The following CEP97 variants were observed in gnomAD, a reference collection of about 807,000 sequenced individuals.
CEP97 encodes centrosomal protein of 97 kDa.
In CEP97, 43 loss-of-function variants were observed where a neutral mutation model predicts 73.1. The observed-to-expected ratio is 0.59, with a 90% CI of 0.46 to 0.76. The LOEUF (loss-of-function observed/expected upper bound fraction) is 0.76. Among genes scored for constraint, CEP97 ranks in the 30% least tolerant of loss-of-function variants. CEP97 has a pLI of 0.00. For missense variants in CEP97, 939 were observed against 1,014.0 expected, an observed-to-expected ratio of 0.93 and a Z score of 1.00; for synonymous variants, 337 against 370.0, an observed-to-expected ratio of 0.91 and a Z score of 1.02.
chr3:101,749,550 G>C (rs1576690627), intron 6 of CEP97, among the ~76,000 whole-genome samples: 1 of 131,012 alleles, frequency 7.6e-6, no homozygotes, highest in East Asian at 2.1e-4. Flanking sequence ...TCTAGTTCTA[G>C]ATTCCTGAGG....
At chr3:101,729,885 A>G (rs1938038535) in intron 4 of CEP97, among the ~76,000 whole-genome samples, 1 of 151,840 alleles carries the variant, frequency 6.6e-6, no homozygotes, top group African/African-American at 2.4e-5. Flanking sequence ...GCTCACTGCA[A>G]CCTCTGCCTC....
rs529087626 is a variant in CEP97 at position 101,740,593 on chromosome 3, C to CT, written c.728+7952dup. On this transcript the variant is annotated intron_variant, in intron 6 of 10. Coordinates refer to ENST00000341893, the MANE Select transcript of CEP97 (RefSeq NM_024548.4). ...TCCTCATCAAGCTACCATTGACTTT[C>CT]TTTTTTTTTTTTTGAGACGGAGTTT... is the stretch of plus-strand genomic sequence containing the variant. Among the ~76,000 whole-genome samples the CT allele has an allele frequency of 2.7e-3, 398 of 144,916 alleles. 3 individuals carry two copies. Among genetic ancestry groups the CT allele is most frequent in the Non-Finnish European group, 2.1e-3 (138 of 65,408 alleles).
At chr3:101,728,680 T>A (rs1398629600) in intron 3 of CEP97, 156 bp from the exon 4 acceptor site, 3 of 601,292 alleles carry the variant, frequency 5.0e-6, no homozygotes, top group Non-Finnish European at 8.8e-6. Context: ...TCTACTAAAT[T>A]CTGTTAGTAC....
At chr3:101,729,777 CTT>C (rs879781929) in intron 4 of CEP97, among the ~76,000 whole-genome samples, 1 of 142,920 alleles carries the variant, frequency 7.0e-6, no homozygotes. Context: ...TTTTTCTTTT[CTT>C]TTTTTTTTTT....
intron 6 of CEP97, among the ~76,000 whole-genome samples, chr3:101,733,655 C>T (rs1044330264): frequency 6.0e-4 from 91 of 151,056 alleles, no homozygotes; most frequent in African/African-American, 2.0e-3. Flanking sequence ...CTCAGCCTCC[C>T]GAGTAGCTGG....
At chr3:101,747,299 G>A (rs544261669) in intron 6 of CEP97, among the ~76,000 whole-genome samples, 258 of 133,526 alleles carry the variant, frequency 1.9e-3, no homozygotes, top group African/African-American at 6.6e-3. Flanking sequence ...TCACTCTGTC[G>A]CCCAGGTTGG....
intron 4 of CEP97, among the ~76,000 whole-genome samples, chr3:101,730,889 T>A (rs2611836): frequency 0.9 from 137,143 of 152,122 alleles, 61,897 homozygotes; most frequent in East Asian, 0.99. Flanking sequence ...ATTCTAAACA[T>A]TTTGATGTAG....
Position 101,731,841 on chromosome 3 carries a change from C to A in CEP97, c.449C>A (p.Thr150Asn), listed in dbSNP as rs771723851. 2 of 1,567,982 alleles carry A rather than the reference C, an allele frequency of 1.3e-6. No homozygotes were observed. Among genetic ancestry groups the A allele is most frequent in the South Asian group, 2.2e-5 (2 of 89,134 alleles). The change falls in exon 5 of 11, where the codon ACC becomes AAC. Residue 150 changes from threonine to asparagine, a missense_variant and splice_region_variant. By Grantham distance (65) the Thr-to-Asn change is moderately conservative (BLOSUM62 0). Coordinates refer to ENST00000341893, the MANE Select transcript of CEP97 (RefSeq NM_024548.4). ...ATTCATACTGTTTTTACTTTCAAGACCCTGCTTTTACATGGAAACATCATC... is the reference window on the plus strand; with the variant it reads ...ATTCATACTGTTTTTACTTTCAAGAACCTGCTTTTACATGGAAACATCATC... ...GDLSKLVSLK[T>N]LLLHGNIITS...
chr3:101,762,783 A>G (rs1186911066), intron 10 of CEP97, among the ~76,000 whole-genome samples: 6 of 152,224 alleles, frequency 3.9e-5, no homozygotes, highest in African/African-American at 1.4e-4. Flanking sequence ...AAAACAAAAT[A>G]GTATAAAGCA....
At chr3:101,726,516 A>G (rs895582269) in intron 1 of CEP97, 78 bp from the exon 2 acceptor site, 1 of 1,060,922 alleles carries the variant, frequency 9.4e-7, no homozygotes. Context: ...TAGAGATTTT[A>G]TAATTCCAGC....
chr3:101,758,109 T>C lies in CEP97; in HGVS notation c.1503T>C (p.Leu501=). 1 of 1,614,208 alleles carries C rather than the reference T, an allele frequency of 6.2e-7. No homozygotes were observed. The highest frequency in any genetic ancestry group is 8.5e-7 in the Non-Finnish European group (1 of 1,180,040). ...TCTTGAAGGATGATAACCACAGTCTTACATTTTTTCCTGAGTCAACTGAGC... is the reference window on the plus strand; with the variant it reads ...TCTTGAAGGATGATAACCACAGTCTCACATTTTTTCCTGAGTCAACTGAGC... The part of the protein sequence containing the change: ...SAILKDDNHS[L]TFFPESTEQK... Residue 501 remains leucine, a synonymous_variant, in exon 9 of 11, where the codon CTT becomes CTC. Coordinates refer to ENST00000341893, the MANE Select transcript of CEP97 (RefSeq NM_024548.4).
At position 101,765,432 on chromosome 3, in the gene CEP97, C is replaced by T. The variant is rs1939291733; in HGVS notation, c.2479C>T (p.Pro827Ser). The T allele has an allele frequency of 5.0e-6, 8 of 1,614,130 alleles. No homozygotes were observed. The highest frequency in any genetic ancestry group is 6.8e-6 in the Non-Finnish European group (8 of 1,180,020). The change falls in exon 11 of 11, where the codon CCT becomes TCT. Residue 827 changes from proline to serine, a missense_variant. By Grantham distance (74) the Pro-to-Ser change is moderately conservative (BLOSUM62 -1). Coordinates refer to ENST00000341893, the MANE Select transcript of CEP97 (RefSeq NM_024548.4). ...SVDESHGISP[P>S]LQGEISQTQE... Reference sequence around the variant, plus strand: ...AGATGAGAGTCATGGCATATCTCCTCCTTTGCAAGGTGAAATTAGCCAGAC... The same window carrying T: ...AGATGAGAGTCATGGCATATCTCCTTCTTTGCAAGGTGAAATTAGCCAGAC...
rs1360901461 is a variant in CEP97, at chr3:101,767,785, A to C, written c.*2234A>C. ...AACTTTTACTAGTGTTTAGAAGTGC[A>C]AGAATATTAAATAGCCCCTTCCTTA... On this transcript the variant is annotated 3_prime_UTR_variant, in exon 11 of 11. Coordinates refer to ENST00000341893, the MANE Select transcript of CEP97 (RefSeq NM_024548.4). The C allele has an allele frequency of 6.6e-6, 1 of 152,220 alleles. No individual in the cohort carries two copies. The highest frequency in any genetic ancestry group is 1.5e-5 in the Non-Finnish European group (1 of 68,040). 9.4% of individuals were successfully genotyped at this position (152,220 alleles called of 1,614,324 possible).
chr3:101,757,795 A>T lies in CEP97; in HGVS notation c.1189A>T (p.Ser397Cys). The change falls in exon 9 of 11, where the codon AGT (serine) becomes TGT (cysteine). Residue 397 changes from serine to cysteine, a missense_variant. By Grantham distance (112) the Ser-to-Cys change is moderately radical. Coordinates refer to ENST00000341893, the MANE Select transcript of CEP97 (RefSeq NM_024548.4). The stretch of plus-strand genomic sequence containing the variant: ...GACGGATGAGGACAAGTTAAACTGT[A>T]GTCTTCTCTCTTCAGAGTCTACTTT... ...IQTDEDKLNC[S>C]LLSSESTFMP... is the part of the protein sequence containing the mutation. 1 of 1,614,230 alleles carries T rather than the reference A, an allele frequency of 6.2e-7. No individual in the cohort carries two copies. The highest frequency in any genetic ancestry group is 2.2e-5 in the East Asian group (1 of 44,882).
chr3:101,747,161 C>T (rs6768327), intron 6 of CEP97, among the ~76,000 whole-genome samples: 55,539 of 150,984 alleles, frequency 0.37, 10,694 homozygotes, highest in African/African-American at 0.46. Context: ...ACATTTGACC[C>T]AGCCATCCCA....
intron 6 of CEP97, among the ~76,000 whole-genome samples, chr3:101,738,443 A>T (rs961495768): frequency 6.6e-6 from 1 of 152,224 alleles, no homozygotes; most frequent in Non-Finnish European, 1.5e-5. Flanking sequence ...ACATAATTGG[A>T]AATAAAACAC....
At chr3:101,729,713 A>G (rs1356299258) in intron 4 of CEP97, among the ~76,000 whole-genome samples, 1 of 151,892 alleles carries the variant, frequency 6.6e-6, no homozygotes, top group African/African-American at 2.4e-5. Context: ...GACCATAGGC[A>G]TGTGTACATC....
chr3:101,741,779 C>T (rs1466416413), intron 6 of CEP97, among the ~76,000 whole-genome samples: 2 of 152,098 alleles, frequency 1.3e-5, no homozygotes, highest in African/African-American at 4.8e-5. Context: ...TGGTGGCTCA[C>T]GCCTGTAATC....
At chr3:101,762,136 G>A (rs1001100738) in intron 9 of CEP97, among the ~76,000 whole-genome samples, 3 of 152,070 alleles carry the variant, frequency 2.0e-5, no homozygotes, top group Non-Finnish European at 4.4e-5. Context: ...TTGTTTGGCT[G>A]AGAAATTGAA....
Sources: allele counts gnomAD v4.1 joint callset (sites outside exome capture counted in the v4.1 genomes callset), GRCh38; gene constraint gnomAD v4.1.1; transcripts MANE v1.5; gene names NCBI Gene and HGNC (gene_info 2026-07-23, HGNC 2026-07-21).